RBMS3: variants seen among roughly 807,000 people sequenced by gnomAD.
RBMS3 encodes RNA binding motif single stranded interacting protein 3.
RBMS3 carries 27 observed loss-of-function variants against 66.8 expected under a neutral mutation model. That is an observed-to-expected ratio of 0.40 (90% CI 0.30 to 0.56). RBMS3 has a LOEUF of 0.56. Among genes scored for constraint, RBMS3 ranks in the 20% least tolerant of loss-of-function variants. RBMS3 has a pLI of 0.40. For missense variants in RBMS3, 513 were observed against 549.5 expected, an observed-to-expected ratio of 0.93 and a Z score of 0.66; for synonymous variants, 188 against 183.0, an observed-to-expected ratio of 1.03 and a Z score of -0.22.
chr3:29,596,529 A>C (rs2047947640), intron 4 of RBMS3, among the ~76,000 whole-genome samples: 1 of 152,330 alleles, frequency 6.6e-6, no homozygotes, highest in South Asian at 2.1e-4. Context: ...AATTCTTACT[A>C]GGGTCCTTGG....
rs192229064 is a variant in RBMS3, at chr3:29,670,132, T to C, written c.400-69588T>C. On this transcript the variant is annotated intron_variant, in intron 4 of 14. Transcript: ENST00000383767. The stretch of plus-strand genomic sequence containing the variant: ...TACACAGTAAATGATGTTTAACATA[T>C]TCCTACCTACATAAAAGGCTAAACG... Among the ~76,000 whole-genome samples, 199 of 152,322 alleles carry C rather than the reference T, an allele frequency of 1.3e-3. 1 individual carries two copies. The highest frequency in any genetic ancestry group is 4.6e-3 in the African/African-American group (190 of 41,574).
intron 3 of RBMS3, among the ~76,000 whole-genome samples, chr3:29,562,012 A>T (rs746496740): frequency 1.3e-5 from 2 of 152,172 alleles, no homozygotes; most frequent in Non-Finnish European, 2.9e-5. Context: ...AACACAGTGT[A>T]GTATTAACTG....
At chr3:29,772,506 A>G (rs887227195) in intron 6 of RBMS3, among the ~76,000 whole-genome samples, 1 of 152,046 alleles carries the variant, frequency 6.6e-6, no homozygotes, top group Non-Finnish European at 1.5e-5. Flanking sequence ...AAGCACAGTA[A>G]GAGTTTTTTT....
At chr3:29,967,701 T>A (rs1385851518) in intron 12 of RBMS3, among the ~76,000 whole-genome samples, 1 of 152,184 alleles carries the variant, frequency 6.6e-6, no homozygotes. Flanking sequence ...GCTAGGAGGG[T>A]TGTATTTTTC....
At chr3:29,286,142 T>G (rs2032309887) in intron 1 of RBMS3, among the ~76,000 whole-genome samples, 1 of 152,126 alleles carries the variant, frequency 6.6e-6, no homozygotes, top group South Asian at 2.1e-4. Flanking sequence ...CCAAATATTT[T>G]CTTTCGCTTC....
intron 6 of RBMS3, among the ~76,000 whole-genome samples, chr3:29,834,184 T>G (rs1329285158): frequency 9.2e-5 from 14 of 152,074 alleles, no homozygotes; most frequent in Admixed American, 9.2e-4. Flanking sequence ...TATACTTGCC[T>G]TACAAGAAAT....
At position 30,006,081 on chromosome 3, in the gene RBMS3, C is replaced by T. The variant is rs1283874668; in HGVS notation, c.*2219C>T. 6.6e-6 allele frequency: 1 copy of T among 151,832 alleles called. No homozygotes were observed. Among genetic ancestry groups the T allele is most frequent in the Non-Finnish European group, 1.5e-5 (1 of 67,840 alleles). 9.4% of individuals were successfully genotyped at this position (151,832 alleles called of 1,614,324 possible). ...GTTAAGTGAACCATTCACTAGATTG[C>T]TTTCTGAATGAATCCTTTGAATCAA... On this transcript the variant is annotated 3_prime_UTR_variant, in exon 15 of 15. Transcript: ENST00000383767.
intron 1 of RBMS3, among the ~76,000 whole-genome samples, chr3:29,328,176 A>C (rs1191423767): frequency 6.6e-6 from 1 of 152,202 alleles, no homozygotes; most frequent in Non-Finnish European, 1.5e-5. Flanking sequence ...ACGTTTAAAT[A>C]GTTTACTAGT....
chr3:29,395,800 C>T (rs999359118), intron 1 of RBMS3, among the ~76,000 whole-genome samples: 1 of 152,086 alleles, frequency 6.6e-6, no homozygotes, highest in Middle Eastern at 3.2e-3. Flanking sequence ...CAAATTGCTA[C>T]TAAGTAATAA....
intron 10 of RBMS3, among the ~76,000 whole-genome samples, chr3:29,930,404 G>T (rs996747838): frequency 3.3e-5 from 5 of 151,712 alleles, no homozygotes; most frequent in African/African-American, 9.7e-5. Flanking sequence ...GAGCCACTGC[G>T]CCCGGCCTAC....
chr3:29,417,168 ATGT>A (rs1322415066), intron 1 of RBMS3, among the ~76,000 whole-genome samples: 1 of 151,726 alleles, frequency 6.6e-6, no homozygotes, highest in Non-Finnish European at 1.5e-5. Flanking sequence ...TTTTATTTTC[ATGT>A]TGTTCTTCAG....
chr3:29,626,801 C>A (rs1576390480), intron 4 of RBMS3, among the ~76,000 whole-genome samples: 1 of 152,216 alleles, frequency 6.6e-6, no homozygotes, highest in East Asian at 1.9e-4. Context: ...AACAAGAAGT[C>A]CTGATATCTC....
intron 4 of RBMS3, among the ~76,000 whole-genome samples, chr3:29,609,659 C>G (rs183750792): frequency 6.6e-6 from 1 of 151,966 alleles, no homozygotes; most frequent in Non-Finnish European, 1.5e-5. Flanking sequence ...TGCCTCTGTG[C>G]CTGGCAAAAG....
chr3:29,886,695 G>A (rs185541991), intron 8 of RBMS3, among the ~76,000 whole-genome samples: 6 of 151,816 alleles, frequency 4.0e-5, no homozygotes, highest in African/African-American at 1.2e-4. Context: ...TAAGCCTGGG[G>A]AGTAATTATT....
intron 4 of RBMS3, among the ~76,000 whole-genome samples, chr3:29,688,615 G>T (rs1341525755): frequency 1.3e-4 from 12 of 90,912 alleles, no homozygotes; most frequent in East Asian, 3.5e-4. Flanking sequence ...ATGGAGTCTT[G>T]CTCTGTCACC....
intron 3 of RBMS3, among the ~76,000 whole-genome samples, chr3:29,557,728 T>G (rs2046411354): frequency 1.3e-5 from 2 of 152,156 alleles, no homozygotes; most frequent in South Asian, 4.1e-4. Flanking sequence ...ACCCTGTCTA[T>G]TTATAAAAAC....
chr3:29,689,104 GATATAGATATAGAT>G (rs2051863283), intron 4 of RBMS3, among the ~76,000 whole-genome samples: 2 of 25,812 alleles, frequency 7.7e-5, no homozygotes, highest in Non-Finnish European at 1.6e-4. Flanking sequence ...TATAGAAATA[GATATAGATATAGAT>G]ATAGATATAG....
chr3:29,869,525 G>A (rs1036067923), intron 7 of RBMS3, among the ~76,000 whole-genome samples: 2 of 152,070 alleles, frequency 1.3e-5, no homozygotes, highest in Admixed American at 1.3e-4. Flanking sequence ...AAAAAAGAGG[G>A]AGAAAAGTTG....
intron 10 of RBMS3, among the ~76,000 whole-genome samples, chr3:29,904,509 A>G (rs2060329146): frequency 6.6e-6 from 1 of 151,992 alleles, no homozygotes; most frequent in Non-Finnish European, 1.5e-5. Flanking sequence ...AATTTTGCTA[A>G]CAGCTCCATT....
Sources: allele counts gnomAD v4.1 joint callset (sites outside exome capture counted in the v4.1 genomes callset), GRCh38; gene constraint gnomAD v4.1.1; transcripts MANE v1.5; gene names NCBI Gene and HGNC (gene_info 2026-07-23, HGNC 2026-07-21).